Variants in LDB2 observed in about 807,000 individuals in gnomAD.
LDB2 encodes the protein LIM domain-binding protein 2.
In LDB2, 12 loss-of-function variants were observed where a neutral mutation model predicts 44.3. The observed-to-expected ratio is 0.27, with a 90% CI of 0.17 to 0.44. The LOEUF is 0.44. LDB2 is among the 20% of genes least tolerant of loss of function. The pLI is 1.00. For synonymous variants in LDB2, 164 were observed against 174.8 expected (o/e 0.94, Z 0.49); for missense variants, 344 against 473.5 (o/e 0.73, Z 2.54).
chr4:16,732,502 T>A (rs578142235), intron 2 of LDB2, among the ~76,000 whole-genome samples: 6 of 152,230 alleles, frequency 3.9e-5, no homozygotes, highest in Non-Finnish European at 8.8e-5. Context: ...CTCAGTCTAC[T>A]GTTTTTCTAC....
intron 2 of LDB2, among the ~76,000 whole-genome samples, chr4:16,676,628 G>A (rs16893746): frequency 0.048 from 7,355 of 152,244 alleles, 254 homozygotes; most frequent in Admixed American, 0.1. Flanking sequence ...AATACAAACA[G>A]CTCTATGAAA....
intron 2 of LDB2, among the ~76,000 whole-genome samples, chr4:16,650,058 T>C (rs1737840889): frequency 6.6e-6 from 1 of 152,208 alleles, no homozygotes; most frequent in Non-Finnish European, 1.5e-5. Flanking sequence ...AACATTCTCC[T>C]TTTGAGATAA....
chr4:16,786,181 T>C (rs1183138141), intron 1 of LDB2, among the ~76,000 whole-genome samples: 1 of 152,204 alleles, frequency 6.6e-6, no homozygotes, highest in African/African-American at 2.4e-5. Context: ...ATCCACAGGC[T>C]CTGTAACTCA....
At chr4:16,689,165 G>A (rs1248922304) in intron 2 of LDB2, among the ~76,000 whole-genome samples, 1 of 152,138 alleles carries the variant, frequency 6.6e-6, no homozygotes, top group African/African-American at 2.4e-5. Flanking sequence ...GATATGGAAG[G>A]AAGAGCTGTC....
intron 1 of LDB2, among the ~76,000 whole-genome samples, chr4:16,865,454 C>G (rs988110974): frequency 1.3e-5 from 2 of 152,100 alleles, no homozygotes; most frequent in African/African-American, 4.8e-5. Flanking sequence ...GCTGCGCTGG[C>G]AGCAGTCTCA....
intron 2 of LDB2, among the ~76,000 whole-genome samples, chr4:16,654,420 TAGTAACACCC>T (rs1228418818): frequency 1.3e-5 from 2 of 152,096 alleles, no homozygotes; most frequent in Non-Finnish European, 1.5e-5. Flanking sequence ...AACTATGAGA[TAGTAACACCC>T]AGCATCAGCC....
chr4:16,790,667 CAT>C (rs138487216), intron 1 of LDB2, among the ~76,000 whole-genome samples: 5,436 of 152,236 alleles, frequency 0.036, 329 homozygotes, highest in African/African-American at 0.12. Flanking sequence ...ACGGAGCTAA[CAT>C]ATTATTTCCT....
intron 5 of LDB2, among the ~76,000 whole-genome samples, chr4:16,518,537 C>T (rs1724753302): frequency 6.6e-6 from 1 of 150,902 alleles, no homozygotes; most frequent in Non-Finnish European, 1.5e-5. Context: ...GTCATCTTAA[C>T]TAGGATTTGG....
chr4:16,729,928 C>T (rs960510483), intron 2 of LDB2, among the ~76,000 whole-genome samples: 1 of 152,072 alleles, frequency 6.6e-6, no homozygotes, highest in Non-Finnish European at 1.5e-5. Flanking sequence ...GAGTCGTTGT[C>T]GTGTAACTGT....
At chr4:16,826,097 TAGAG>T (rs200735801) in intron 1 of LDB2, among the ~76,000 whole-genome samples, 2,925 of 149,432 alleles carry the variant, frequency 0.02, 103 homozygotes, top group African/African-American at 0.062. Flanking sequence ...ATAGACTAGA[TAGAG>T]AAATATTAAT....
chr4:16,875,274 T>C (rs982693286), intron 1 of LDB2, among the ~76,000 whole-genome samples: 113 of 152,168 alleles, frequency 7.4e-4, no homozygotes, highest in African/African-American at 2.7e-3. Flanking sequence ...AAATCTGATC[T>C]GGGTGGTAAT....
intron 5 of LDB2, among the ~76,000 whole-genome samples, chr4:16,550,866 G>C (rs1737409967): frequency 2.0e-5 from 3 of 152,214 alleles, no homozygotes; most frequent in South Asian, 4.1e-4. Flanking sequence ...ATGTCCACCA[G>C]TGGGAAAACA....
intron 2 of LDB2, among the ~76,000 whole-genome samples, chr4:16,609,118 G>A (rs376449822): frequency 2.3e-4 from 35 of 152,204 alleles, no homozygotes; most frequent in African/African-American, 8.4e-4. Context: ...ACAGCGCGGG[G>A]CAGTGGCCTA....
intron 2 of LDB2, among the ~76,000 whole-genome samples, chr4:16,690,944 C>T (rs888355368): frequency 6.6e-6 from 1 of 152,148 alleles, no homozygotes; most frequent in African/African-American, 2.4e-5. Flanking sequence ...TCAAGGAAGC[C>T]ATCTCTGATG....
intron 1 of LDB2, among the ~76,000 whole-genome samples, chr4:16,819,111 T>C (rs1781487627): frequency 6.6e-6 from 1 of 152,066 alleles, no homozygotes; most frequent in Admixed American, 6.5e-5. Flanking sequence ...TGTGTGTGTG[T>C]GTGTGTGTGT....
intron 2 of LDB2, among the ~76,000 whole-genome samples, chr4:16,637,506 G>A (rs1733944134): frequency 6.6e-6 from 1 of 152,070 alleles, no homozygotes. Flanking sequence ...CAAGTGCAGG[G>A]CTGGCTACGT....
intron 5 of LDB2, among the ~76,000 whole-genome samples, chr4:16,526,768 G>A (rs916537394): frequency 6.6e-6 from 1 of 152,204 alleles, no homozygotes; most frequent in Non-Finnish European, 1.5e-5. Context: ...GATTCTCCCT[G>A]AGAGCCTCCA....
chr4:16,799,171 C>T (rs1777302845), intron 1 of LDB2, among the ~76,000 whole-genome samples: 1 of 152,148 alleles, frequency 6.6e-6, no homozygotes, highest in African/African-American at 2.4e-5. Context: ...GGGTTTTCAT[C>T]TGTCAGCCAT....
intron 1 of LDB2, among the ~76,000 whole-genome samples, chr4:16,827,964 G>T (rs1783361620): frequency 6.6e-6 from 1 of 152,112 alleles, no homozygotes; most frequent in Non-Finnish European, 1.5e-5. Context: ...CTTGGTTGTT[G>T]CCACTTTTGT....
Sources: allele counts gnomAD v4.1 joint callset (sites outside exome capture counted in the v4.1 genomes callset), GRCh38; gene constraint gnomAD v4.1.1; transcripts MANE v1.5; gene names NCBI Gene and HGNC (gene_info 2026-07-23, HGNC 2026-07-21).